NEK10: variants seen among roughly 807,000 people sequenced by gnomAD.
NEK10 encodes serine/threonine-protein kinase Nek10.
Under a neutral mutation model 159.8 loss-of-function variants are expected in NEK10, and 122 were observed. That is an observed-to-expected ratio of 0.76 (90% CI 0.66 to 0.89). The LOEUF is 0.89. Among genes scored for constraint, NEK10 ranks in the 40% least tolerant of loss-of-function variants. The probability of loss-of-function intolerance (pLI) is 0.00; values close to 1 mark genes in which losing one functional copy is unlikely to be tolerated. For missense variants in NEK10, 1,342 were observed against 1,323.1 expected, an observed-to-expected ratio of 1.01 and a Z score of -0.22; for synonymous variants, 466 against 457.1, an observed-to-expected ratio of 1.02 and a Z score of -0.25.
At chr3:27,148,854 A>G (rs1371545998) in intron 30 of NEK10, among the ~76,000 whole-genome samples, 1 of 152,074 alleles carries the variant, frequency 6.6e-6, no homozygotes, top group Non-Finnish European at 1.5e-5. Flanking sequence ...GTGATATGCA[A>G]TTTGGATTTA....
At chr3:27,145,451 T>C (rs1301885512) in intron 30 of NEK10, among the ~76,000 whole-genome samples, 1 of 152,192 alleles carries the variant, frequency 6.6e-6, no homozygotes, top group African/African-American at 2.4e-5. Flanking sequence ...CGAAATTTCT[T>C]ATAAGAGGCA....
intron 3 of NEK10, among the ~76,000 whole-genome samples, chr3:27,348,447 C>G (rs190296093): frequency 6.6e-6 from 1 of 152,166 alleles, no homozygotes; most frequent in Admixed American, 6.5e-5. Flanking sequence ...AGACCAGGAA[C>G]CTAATAGTAG....
chr3:27,111,941 G>A (rs1404202191), intron 35 of NEK10, among the ~76,000 whole-genome samples: 2 of 152,104 alleles, frequency 1.3e-5, no homozygotes, highest in Non-Finnish European at 2.9e-5. Context: ...AGCCTGCTTT[G>A]GGAAGAGCTA....
Position 27,119,826 on chromosome 3 carries a change from T to G in NEK10, c.3124A>C (p.Thr1042Pro). 6.2e-7 allele frequency: 1 copy of G among 1,613,972 alleles called. No individual in the cohort carries two copies. Among genetic ancestry groups the G allele is most frequent in the South Asian group, 1.1e-5 (1 of 91,084 alleles). Residue 1042 changes from threonine to proline, a missense_variant, in exon 33 of 36, where the codon ACA (threonine) becomes CCA (proline). Transcript: ENST00000691995. The stretch of plus-strand genomic sequence containing the variant: ...CGATGTAATAAATGGTAATCTGCTG[T>G]GAAAAAGTTGGGCTCAATCGGTTCT... ...SPEPIEPNFFTADYHLLHRSS... is the reference protein window; with the variant it reads ...SPEPIEPNFFPADYHLLHRSS...
At chr3:27,247,270 T>A (rs1955168598) in intron 23 of NEK10, among the ~76,000 whole-genome samples, 1 of 152,204 alleles carries the variant, frequency 6.6e-6, no homozygotes, top group Non-Finnish European at 1.5e-5. Context: ...CTGTTGTAAA[T>A]GGCTTTTTTT....
chr3:27,225,171 G>A (rs970588444), intron 23 of NEK10, among the ~76,000 whole-genome samples: 1 of 152,202 alleles, frequency 6.6e-6, no homozygotes, highest in Non-Finnish European at 1.5e-5. Flanking sequence ...CAGCATGGGA[G>A]AAAGATGAAG....
At chr3:27,328,464 C>T (rs2046170676) in intron 5 of NEK10, among the ~76,000 whole-genome samples, 1 of 152,062 alleles carries the variant, frequency 6.6e-6, no homozygotes, top group African/African-American at 2.4e-5. Flanking sequence ...ATGTCTAGGT[C>T]AGAACAGCAG....
At chr3:27,162,004 C>CA (rs1361962129) in intron 30 of NEK10, among the ~76,000 whole-genome samples, 1,757 of 117,432 alleles carry the variant, frequency 0.015, 33 homozygotes, top group African/African-American at 0.049. Context: ...GATTCTGTCT[C>CA]AAAAAAAAAA....
intron 30 of NEK10, chr3:27,143,552 A>T: frequency 2.9e-6 from 2 of 684,762 alleles, no homozygotes; most frequent in Non-Finnish European, 5.3e-6. Flanking sequence ...TAACTCAAAA[A>T]TTATTTTTAT....
chr3:27,256,912 C>CTTTTTT (rs550014186), intron 22 of NEK10, among the ~76,000 whole-genome samples: 167 of 125,086 alleles, frequency 1.3e-3, no homozygotes, highest in African/African-American at 3.2e-3. Context: ...TTTTTTCTCT[C>CTTTTTT]TTTTTTTTTT....
chr3:27,157,747 T>C (rs1488794759), intron 30 of NEK10, among the ~76,000 whole-genome samples: 1 of 152,186 alleles, frequency 6.6e-6, no homozygotes, highest in Non-Finnish European at 1.5e-5. Context: ...CATCGCACGC[T>C]ACAGAGAAAC....
chr3:27,117,786 G>A (rs1319610826), intron 33 of NEK10, among the ~76,000 whole-genome samples: 1 of 152,262 alleles, frequency 6.6e-6, no homozygotes, highest in East Asian at 1.9e-4. Flanking sequence ...TGTAAACTCT[G>A]ATGATAGTTT....
intron 26 of NEK10, among the ~76,000 whole-genome samples, chr3:27,179,884 C>T (rs951552813): frequency 3.9e-5 from 6 of 152,114 alleles, no homozygotes; most frequent in Non-Finnish European, 8.8e-5. Flanking sequence ...AGTTTGAGAC[C>T]AGTCTGGCCA....
At chr3:27,344,230 G>A in intron 5 of NEK10, 42 bp downstream of exon 5, 1 of 891,448 alleles carries the variant, frequency 1.1e-6, no homozygotes, top group South Asian at 1.4e-5. Context: ...GATGACATAT[G>A]CCACTCTTCA....
intron 22 of NEK10, among the ~76,000 whole-genome samples, chr3:27,257,777 C>G (rs996837144): frequency 1.2e-4 from 17 of 141,776 alleles, no homozygotes; most frequent in African/African-American, 4.4e-4. Flanking sequence ...TTTCCAATAG[C>G]TTTCTTTTTT....
intron 13 of NEK10, 97 bp from the exon 14 acceptor site, chr3:27,297,337 C>A: frequency 1.2e-6 from 1 of 806,042 alleles, no homozygotes; most frequent in Non-Finnish European, 2.0e-6. Context: ...TATTATTTTG[C>A]TATTTTTATT....
intron 23 of NEK10, among the ~76,000 whole-genome samples, chr3:27,204,307 T>TTTG (rs1553677584): frequency 7.5e-6 from 1 of 133,434 alleles, no homozygotes; most frequent in Non-Finnish European, 1.6e-5. Context: ...TGTTGTTTTT[T>TTTG]TTTTTTTTTT....
In NEK10 at chr3:27,107,557, T is replaced by C. The variant is rs1176354232; in HGVS notation, c.*3715A>G. Among the ~76,000 whole-genome samples, 2 of 152,252 alleles carry C rather than the reference T, an allele frequency of 1.3e-5. No individual in the cohort carries two copies. The highest frequency in any genetic ancestry group is 2.9e-5 in the Non-Finnish European group (2 of 68,042). Reference sequence around the variant, plus strand: ...ATCTCAAAGATATCATGTAAGTATATATGAAATTCATTTATTACATTTAGT... The same window carrying C: ...ATCTCAAAGATATCATGTAAGTATACATGAAATTCATTTATTACATTTAGT... On this transcript the variant is annotated 3_prime_UTR_variant, in exon 36 of 36. Coordinates refer to ENST00000691995, the MANE Select transcript of NEK10 (RefSeq NM_001394966.1).
chr3:27,177,347 T>C (rs1193912029), intron 26 of NEK10, among the ~76,000 whole-genome samples: 1 of 151,884 alleles, frequency 6.6e-6, no homozygotes, highest in East Asian at 1.9e-4. Context: ...ATCAAGATCA[T>C]CCTGGCTAAC....
Sources: allele counts gnomAD v4.1 joint callset (sites outside exome capture counted in the v4.1 genomes callset), GRCh38; gene constraint gnomAD v4.1.1; transcripts MANE v1.5; gene names NCBI Gene and HGNC (gene_info 2026-07-23, HGNC 2026-07-21).